Variants in PAN3 observed in about 807,000 individuals in gnomAD.
PAN3 encodes poly(A) specific ribonuclease subunit PAN3.
Under a neutral mutation model 96.2 loss-of-function variants are expected in PAN3, and 19 were observed. That is an observed-to-expected ratio of 0.20 (90% CI 0.14 to 0.29). PAN3 has a LOEUF of 0.29. Among genes scored for constraint, PAN3 ranks in the 10% least tolerant of loss-of-function variants. PAN3 has a pLI of 1.00. For synonymous variants in PAN3, 433 were observed against 406.6 expected, an observed-to-expected ratio of 1.06 and a Z score of -0.78; for missense variants, 882 against 1,108.1, an observed-to-expected ratio of 0.80 and a Z score of 2.90.
Position 28,138,864 on chromosome 13 carries a change from G to A in PAN3, c.207G>A (p.Glu69=). ...FYGEECQFLH[E]DPAAGAAPGL... ...GGGAGGAGTGTCAGTTCCTGCATGA[G>A]GACCCTGCCGCCGGGGCTGCCCCGG... Residue 69 remains glutamate (E), a synonymous_variant, in exon 1 of 19, where the codon GAG becomes GAA. Transcript: ENST00000380958. 7.0e-7 allele frequency: 1 copy of A among 1,422,634 alleles called. No homozygotes were observed. 88.1% of individuals were successfully genotyped at this position (1,422,634 alleles called of 1,614,324 possible). A position where few individuals can be genotyped will look rare whatever the true frequency, so the allele number is the denominator to read the frequency against.
At position 28,139,514 on chromosome 13, in the gene PAN3, T is replaced by TTGTGTGTGTGTGTGTG. The variant is rs10577740; in HGVS notation, c.430+449_430+464dup. ...GGTTCCCTAGTGGGGAGGGGTGTGT[T>TTGTGTGTGTGTGTGTG]TGTGTGTGTGTGTGTGTGTGTGTGT... On this transcript the variant is annotated intron_variant, in intron 1 of 18. Coordinates refer to ENST00000380958, the MANE Select transcript of PAN3 (RefSeq NM_175854.8). Among the ~76,000 whole-genome samples the TTGTGTGTGTGTGTGTG allele has an allele frequency of 4.9e-3, 452 of 93,118 alleles. 14 individuals are homozygous for TTGTGTGTGTGTGTGTG. Among genetic ancestry groups the TTGTGTGTGTGTGTGTG allele is most frequent in the African/African-American group, 0.021 (400 of 19,096 alleles). 61.1% of individuals were successfully genotyped at this position (93,118 alleles called of 152,430 possible).
rs74881179 is a variant in PAN3, at chr13:28,142,511, A to ATTTT, written c.430+3440_430+3443dup. On this transcript the variant is annotated intron_variant, in intron 1 of 18. Transcript: ENST00000380958. ...TGTGAGGCAGTTAAAATAGATGGCA[A>ATTTT]TTTTTTTTTTTTTTTTTTTGAGACA... Among the ~76,000 whole-genome samples the ATTTT allele has an allele frequency of 4.3e-3, 545 of 126,644 alleles. 13 individuals carry two copies. The highest frequency in any genetic ancestry group is 0.016 in the African/African-American group (498 of 30,902). The allele number at this position is 126,644 out of a possible 152,430, so 83.1% of individuals were successfully genotyped here.
intron 4 of PAN3, among the ~76,000 whole-genome samples, chr13:28,185,860 C>T (rs1486704337): frequency 6.6e-6 from 1 of 152,152 alleles, no homozygotes; most frequent in African/African-American, 2.4e-5. Context: ...GGCTTCTTTA[C>T]ACTCTGGTCA....
intron 6 of PAN3, among the ~76,000 whole-genome samples, chr13:28,247,744 G>T (rs1301575411): frequency 6.6e-6 from 1 of 152,120 alleles, no homozygotes; most frequent in Non-Finnish European, 1.5e-5. Context: ...ATAAATATGT[G>T]TATTTATTTC....
At chr13:28,186,872 TG>T (rs1254071885) in intron 4 of PAN3, among the ~76,000 whole-genome samples, 2 of 152,146 alleles carry the variant, frequency 1.3e-5, no homozygotes, top group Non-Finnish European at 2.9e-5. Context: ...AAAACTTTAA[TG>T]ATCATTACAA....
rs1166720288 is a variant in PAN3, at chr13:28,261,291, TA to T, written c.1354-105del. 38 of 638,882 alleles carry T rather than the reference TA, an allele frequency of 5.9e-5. No individual in the cohort carries two copies. In the South Asian group the frequency reaches 8.2e-4, roughly 14 times the overall value. 39.6% of individuals were successfully genotyped at this position (638,882 alleles called of 1,614,324 possible). A position where few individuals can be genotyped will look rare whatever the true frequency, so the allele number is the denominator to read the frequency against. On this transcript the variant is annotated intron_variant, in intron 8 of 18. Transcript: ENST00000380958. ...TTAATATTTAAATGATTTTAATATT[TA>T]AAAAGTGCATATGCCAAAAATATTA...
intron 1 of PAN3, among the ~76,000 whole-genome samples, chr13:28,166,219 C>G (rs1038161884): frequency 6.6e-6 from 1 of 152,116 alleles, no homozygotes; most frequent in Admixed American, 6.5e-5. Context: ...AGACAAGTTA[C>G]GCTTTTCTAA....
At chr13:28,190,307 G>A (rs1877081170) in intron 4 of PAN3, among the ~76,000 whole-genome samples, 1 of 152,150 alleles carries the variant, frequency 6.6e-6, no homozygotes, top group African/African-American at 2.4e-5. Context: ...CAGTGGCACA[G>A]TCATAGCCCA....
upstream of PAN3, chr13:28,138,210 G>C (rs1225034306): frequency 2.6e-5 from 4 of 152,248 alleles, no homozygotes; most frequent in Non-Finnish European, 4.4e-5. Flanking sequence ...GGCGACGGCC[G>C]TCTCAGGAAG....
intron 4 of PAN3, among the ~76,000 whole-genome samples, chr13:28,185,017 T>C (rs1876279046): frequency 6.6e-6 from 1 of 152,170 alleles, no homozygotes; most frequent in African/African-American, 2.4e-5. Flanking sequence ...ATTAAGCCAA[T>C]TTTTGTTAAA....
chr13:28,192,310 C>G (rs1012488299), intron 4 of PAN3, among the ~76,000 whole-genome samples: 1 of 152,098 alleles, frequency 6.6e-6, no homozygotes, highest in African/African-American at 2.4e-5. Flanking sequence ...CCTCATGATC[C>G]GTTCGCCTCA....
intron 6 of PAN3, among the ~76,000 whole-genome samples, chr13:28,242,497 A>G (rs1271747030): frequency 6.6e-6 from 1 of 152,234 alleles, no homozygotes; most frequent in African/African-American, 2.4e-5. Flanking sequence ...ATTGAATCAC[A>G]TGTGGTATTT....
chr13:28,140,536 C>G (rs994247992), intron 1 of PAN3, among the ~76,000 whole-genome samples: 10 of 151,926 alleles, frequency 6.6e-5, no homozygotes, highest in Non-Finnish European at 8.8e-5. Context: ...AATATCTTCC[C>G]CGGGGTTTTG....
intron 14 of PAN3, among the ~76,000 whole-genome samples, chr13:28,274,201 CT>C (rs1162366514): frequency 6.6e-6 from 1 of 152,158 alleles, no homozygotes; most frequent in Non-Finnish European, 1.5e-5. Flanking sequence ...TTCTGTTCTT[CT>C]GCCTGAGGGC....
intron 13 of PAN3, 118 bp downstream of exon 13, chr13:28,270,984 T>C: frequency 1.9e-6 from 2 of 1,049,360 alleles, no homozygotes; most frequent in East Asian, 2.6e-5. Flanking sequence ...GAAGAACTTC[T>C]GTAACTTTGA....
chr13:28,253,712 C>T (rs1031924728), intron 6 of PAN3, among the ~76,000 whole-genome samples: 53 of 142,840 alleles, frequency 3.7e-4, no homozygotes, highest in African/African-American at 1.4e-3. Context: ...TGGGCTCAAG[C>T]GATCCTCCTG....
chr13:28,146,434 A>G (rs958967370), intron 1 of PAN3, among the ~76,000 whole-genome samples: 11 of 151,886 alleles, frequency 7.2e-5, no homozygotes, highest in African/African-American at 2.7e-4. Flanking sequence ...GGTGGTTTAA[A>G]TAACAGAAAA....
At chr13:28,149,577 TATTG>T (rs1871106882) in intron 1 of PAN3, among the ~76,000 whole-genome samples, 1 of 152,142 alleles carries the variant, frequency 6.6e-6, no homozygotes, top group East Asian at 1.9e-4. Flanking sequence ...ATTATATTGT[TATTG>T]ATTATTTACT....
At chr13:28,191,379 T>C (rs1332991150) in intron 4 of PAN3, among the ~76,000 whole-genome samples, 3 of 152,222 alleles carry the variant, frequency 2.0e-5, no homozygotes, top group African/African-American at 7.2e-5. Context: ...CGACTAGTGA[T>C]TCGTAGCCAG....
Sources: allele counts gnomAD v4.1 joint callset (sites outside exome capture counted in the v4.1 genomes callset), GRCh38; gene constraint gnomAD v4.1.1; transcripts MANE v1.5; gene names NCBI Gene and HGNC (gene_info 2026-07-23, HGNC 2026-07-21).